Variants in TP63 observed in about 807,000 individuals in gnomAD.
The protein encoded by TP63 is tumor protein p63, also known as tumor protein 63.
In TP63, 17 loss-of-function variants were observed where a neutral mutation model predicts 82.8. The observed-to-expected ratio is 0.21, with a 90% confidence interval of 0.14 to 0.31. TP63 has a LOEUF of 0.31. Among genes scored for constraint, TP63 ranks in the 10% least tolerant of loss-of-function variants. The pLI is 1.00. For missense variants in TP63, 648 were observed against 895.3 expected (o/e 0.72, Z 3.52); for synonymous variants, 330 against 321.7 (o/e 1.03, Z -0.28).
chr3:189,808,153 G>T (rs912448662), intron 3 of TP63, 119 bp from the exon 4 acceptor site: 8 of 1,542,386 alleles, frequency 5.2e-6, no homozygotes, highest in African/African-American at 2.7e-5. Context: ...CTTTGAATGT[G>T]AAGTGCTTCC....
At chr3:189,722,690 G>T (rs111614596) in intron 1 of TP63, among the ~76,000 whole-genome samples, 2,980 of 152,278 alleles carry the variant, frequency 0.02, 42 homozygotes, top group African/African-American at 0.042. Context: ...TAGTAAACGT[G>T]GGTGTGTATA....
chr3:189,846,551 G>T (rs1472612428), intron 4 of TP63, among the ~76,000 whole-genome samples: 1 of 150,608 alleles, frequency 6.6e-6, no homozygotes, highest in Non-Finnish European at 1.5e-5. Context: ...GTATACAGAA[G>T]AACATATATT....
chr3:189,827,613 G>A (rs945805809), intron 4 of TP63, among the ~76,000 whole-genome samples: 10 of 152,328 alleles, frequency 6.6e-5, no homozygotes, highest in African/African-American at 2.4e-4. Flanking sequence ...CCAGGTAGAG[G>A]GACCAGGGTA....
At chr3:189,801,919 T>C (rs559463134) in intron 3 of TP63, among the ~76,000 whole-genome samples, 3 of 152,370 alleles carry the variant, frequency 2.0e-5, no homozygotes, top group Non-Finnish European at 4.4e-5. Flanking sequence ...TGACATATTT[T>C]ATACCTAATA....
At chr3:189,740,719 C>T (rs75981576) in intron 3 of TP63, among the ~76,000 whole-genome samples, 9,135 of 152,122 alleles carry the variant, frequency 0.06, 364 homozygotes, top group Admixed American at 0.13. Flanking sequence ...AGGCTGGTCT[C>T]GAACTCCTGA....
intron 1 of TP63, among the ~76,000 whole-genome samples, chr3:189,709,950 CAT>C (rs1718475095): frequency 6.6e-6 from 1 of 152,140 alleles, no homozygotes; most frequent in African/African-American, 2.4e-5. Context: ...AATGAATAAA[CAT>C]ATTTATCAAT....
intron 10 of TP63, among the ~76,000 whole-genome samples, chr3:189,875,942 G>C (rs941535670): frequency 2.0e-5 from 3 of 151,888 alleles, no homozygotes; most frequent in Non-Finnish European, 2.9e-5. Flanking sequence ...TGTCAGATGA[G>C]GCTGGAATAG....
intron 1 of TP63, among the ~76,000 whole-genome samples, chr3:189,638,552 G>A (rs1274779815): frequency 6.6e-6 from 1 of 152,062 alleles, no homozygotes; most frequent in Non-Finnish European, 1.5e-5. Context: ...ACTCTTAGAT[G>A]GCAGCTCTAA....
At chr3:189,859,007 G>A (rs987530330) in intron 4 of TP63, among the ~76,000 whole-genome samples, 4 of 151,964 alleles carry the variant, frequency 2.6e-5, no homozygotes, top group African/African-American at 9.7e-5. Context: ...TGGGTCAATG[G>A]GTACAATATT....
intron 4 of TP63, among the ~76,000 whole-genome samples, chr3:189,841,387 T>G (rs1714094263): frequency 6.6e-6 from 1 of 152,166 alleles, no homozygotes; most frequent in South Asian, 2.1e-4. Flanking sequence ...GGGTGAGTGA[T>G]GGTGTCATTT....
chr3:189,738,075 T>C (rs1720724080), intron 2 of TP63, among the ~76,000 whole-genome samples: 3 of 152,178 alleles, frequency 2.0e-5, no homozygotes, highest in Admixed American at 6.5e-5. Flanking sequence ...TAATCCAAGG[T>C]GATGTAATTT....
chr3:189,771,522 C>A (rs9874692), intron 3 of TP63, among the ~76,000 whole-genome samples: 136,538 of 144,438 alleles, frequency 0.95, 64,644 homozygotes, highest in Non-Finnish European at 0.97. Flanking sequence ...TATAATATAG[C>A]TATGTGTGGA....
chr3:189,620,009 T>G, the TP63 span, among the ~76,000 whole-genome samples: 3 of 152,066 alleles, frequency 2.0e-5, no homozygotes, highest in East Asian at 5.8e-4. Flanking sequence ...TTACAAAAGA[T>G]GCACTAGTGA....
chr3:189,716,761 A>C (rs970047971), intron 1 of TP63, among the ~76,000 whole-genome samples: 1 of 150,800 alleles, frequency 6.6e-6, no homozygotes, highest in African/African-American at 2.4e-5. Flanking sequence ...CATGATAAGC[A>C]CTTTTCTTCT....
At chr3:189,669,643 A>G (rs1414019430) in intron 1 of TP63, among the ~76,000 whole-genome samples, 1 of 152,080 alleles carries the variant, frequency 6.6e-6, no homozygotes, top group Non-Finnish European at 1.5e-5. Flanking sequence ...AGCTTATTAC[A>G]TTTCTGAATG....
chr3:189,599,883 A>G, the TP63 span, among the ~76,000 whole-genome samples: 10 of 152,170 alleles, frequency 6.6e-5, no homozygotes, highest in Admixed American at 6.5e-5. Flanking sequence ...TAAATGTACT[A>G]TATTTATTTT....
intron 4 of TP63, among the ~76,000 whole-genome samples, chr3:189,830,871 G>A (rs563353559): frequency 1.3e-5 from 2 of 152,206 alleles, no homozygotes; most frequent in South Asian, 4.1e-4. Flanking sequence ...TGTAAAGGGA[G>A]AATAAACCTC....
At chr3:189,759,893 C>G (rs756017734) in intron 3 of TP63, among the ~76,000 whole-genome samples, 2 of 152,114 alleles carry the variant, frequency 1.3e-5, no homozygotes, top group Non-Finnish European at 2.9e-5. Context: ...AGAGGCCTCA[C>G]GATCATGGTG....
At chr3:189,679,953 C>T (rs556825421) in intron 1 of TP63, among the ~76,000 whole-genome samples, 21 of 152,240 alleles carry the variant, frequency 1.4e-4, no homozygotes, top group African/African-American at 5.1e-4. Flanking sequence ...TCTAAGCTCT[C>T]TATTCTGTTC....
Sources: gnomAD v4.1 joint callset for allele counts (sites outside exome capture counted in the v4.1 genomes callset) on GRCh38, gnomAD v4.1.1 for gene constraint, MANE v1.5 for transcripts, NCBI Gene and HGNC (gene_info 2026-07-23, HGNC 2026-07-21) for gene names.